ATRNL1: variants seen among roughly 807,000 people sequenced by gnomAD.
ATRNL1 encodes attractin like 1.
In ATRNL1, 95 loss-of-function variants were observed where a neutral mutation model predicts 182.7. The ratio of observed to expected loss-of-function variants is 0.52; its 90% CI spans 0.44 to 0.62. The LOEUF is 0.62. ATRNL1 is among the 20% of genes least tolerant of loss of function. ATRNL1 has a pLI of 0.00. For synonymous variants in ATRNL1, 576 were observed against 568.3 expected (o/e 1.01, Z -0.19); for missense variants, 1,471 against 1,679.5 (o/e 0.88, Z 2.17).
rs1847488848 is a variant in ATRNL1 at position 115,455,665 on chromosome 10, C to T, written c.3323-6276C>T. 2.6e-5 allele frequency among the ~76,000 whole-genome samples: 4 copies of T among 152,222 alleles called. No individual in the cohort carries two copies. The South Asian group carries it at 8.3e-4, about 32-fold the overall frequency. ...CTAATTAAACCAAAGAGCTTCTGCA[C>T]AGCAAAAGAAACTATCACCAGAGTG... On this transcript the variant is annotated intron_variant, in intron 21 of 28. Transcript: ENST00000355044.
intron 8 of ATRNL1, among the ~76,000 whole-genome samples, chr10:115,214,270 A>G (rs1368953211): frequency 6.6e-6 from 1 of 151,160 alleles, no homozygotes; most frequent in Non-Finnish European, 1.5e-5. Flanking sequence ...TATCTTTATT[A>G]AAAGGAAATG....
chr10:115,137,888 C>T (rs183227110), intron 5 of ATRNL1, among the ~76,000 whole-genome samples: 3 of 152,306 alleles, frequency 2.0e-5, no homozygotes, highest in Admixed American at 2.0e-4. Flanking sequence ...TAAGTCTCAT[C>T]TGAGACAAGG....
intron 28 of ATRNL1, among the ~76,000 whole-genome samples, chr10:115,920,368 T>C (rs1485685092): frequency 6.6e-6 from 1 of 152,206 alleles, no homozygotes; most frequent in Non-Finnish European, 1.5e-5. Context: ...CTGCTACTCA[T>C]GGAACTCAGA....
At chr10:115,793,889 A>G (rs1015407030) in intron 27 of ATRNL1, among the ~76,000 whole-genome samples, 2 of 152,166 alleles carry the variant, frequency 1.3e-5, no homozygotes, top group African/African-American at 4.8e-5. Context: ...CTGTGATTAT[A>G]CTAAAAATCA....
chr10:115,603,687 A>G (rs187129129), intron 26 of ATRNL1, among the ~76,000 whole-genome samples: 59 of 152,316 alleles, frequency 3.9e-4, no homozygotes, highest in African/African-American at 1.1e-3. Context: ...AATCTCATTC[A>G]AGTGAAATTT....
intron 8 of ATRNL1, among the ~76,000 whole-genome samples, chr10:115,198,550 G>C (rs782670736): frequency 6.6e-6 from 1 of 152,014 alleles, no homozygotes; most frequent in Non-Finnish European, 1.5e-5. Flanking sequence ...TGTTACCTGT[G>C]CTTTTGGCAT....
chr10:115,469,877 A>G (rs782317408), intron 24 of ATRNL1, among the ~76,000 whole-genome samples: 23 of 150,546 alleles, frequency 1.5e-4, no homozygotes, highest in Non-Finnish European at 2.4e-4. Flanking sequence ...CTTCTAGGAA[A>G]GAATTGGAAT....
At chr10:115,232,981 C>T (rs1554900370) in intron 9 of ATRNL1, among the ~76,000 whole-genome samples, 1 of 152,096 alleles carries the variant, frequency 6.6e-6, no homozygotes, top group East Asian at 1.9e-4. Context: ...CAGGGCCATT[C>T]CCTCTTGAAA....
intron 27 of ATRNL1, among the ~76,000 whole-genome samples, chr10:115,818,111 C>A (rs1480454966): frequency 6.6e-6 from 1 of 151,756 alleles, no homozygotes; most frequent in Non-Finnish European, 1.5e-5. Context: ...TTATTGCTTT[C>A]CAGGGCTTCT....
intron 19 of ATRNL1, among the ~76,000 whole-genome samples, chr10:115,366,042 T>G (rs1300383000): frequency 6.6e-6 from 1 of 152,084 alleles, no homozygotes; most frequent in Non-Finnish European, 1.5e-5. Flanking sequence ...GTCCACTTGG[T>G]GCAGAGCTGA....
At chr10:115,921,036 A>G (rs1555118609) in intron 28 of ATRNL1, among the ~76,000 whole-genome samples, 1 of 152,232 alleles carries the variant, frequency 6.6e-6, no homozygotes, top group African/African-American at 2.4e-5. Flanking sequence ...AAATAATGAT[A>G]TGACAGTCTA....
chr10:115,115,209 G>T (rs1409403109), intron 1 of ATRNL1, among the ~76,000 whole-genome samples: 1 of 151,964 alleles, frequency 6.6e-6, no homozygotes, highest in Non-Finnish European at 1.5e-5. Context: ...GTAGAATGGG[G>T]GTTACCAGAA....
chr10:115,652,234 AT>A (rs61334622), intron 26 of ATRNL1, among the ~76,000 whole-genome samples: 27,773 of 149,458 alleles, frequency 0.19, 2,880 homozygotes, highest in Non-Finnish European at 0.24. Context: ...TGTTGTTGTT[AT>A]TTTTTTTTTC....
intron 10 of ATRNL1, among the ~76,000 whole-genome samples, chr10:115,249,015 A>T (rs575707165): frequency 1.3e-5 from 2 of 150,772 alleles, no homozygotes; most frequent in South Asian, 4.2e-4. Context: ...AAAGATTTTT[A>T]TTTTTTTTTG....
At chr10:115,562,632 T>C (rs113234236) in intron 26 of ATRNL1, among the ~76,000 whole-genome samples, 2 of 152,168 alleles carry the variant, frequency 1.3e-5, no homozygotes, top group Non-Finnish European at 1.5e-5. Context: ...GTTCTCATGA[T>C]AGTGAGTTAG....
chr10:115,924,041 CA>C (rs1311659965), intron 28 of ATRNL1, among the ~76,000 whole-genome samples: 1 of 152,122 alleles, frequency 6.6e-6, no homozygotes, highest in Non-Finnish European at 1.5e-5. Context: ...GTTGGCTGTG[CA>C]AATGTCTTCT....
intron 27 of ATRNL1, among the ~76,000 whole-genome samples, chr10:115,731,353 A>T (rs1449848473): frequency 6.6e-6 from 1 of 152,066 alleles, no homozygotes; most frequent in Non-Finnish European, 1.5e-5. Context: ...ACTCATTCTG[A>T]TTTGCTATTT....
chr10:115,854,294 C>G (rs1339520638), intron 28 of ATRNL1, among the ~76,000 whole-genome samples: 1 of 152,148 alleles, frequency 6.6e-6, no homozygotes, highest in African/African-American at 2.4e-5. Context: ...GTTTGACTGT[C>G]GATTATTCCC....
intron 5 of ATRNL1, among the ~76,000 whole-genome samples, chr10:115,141,253 A>G (rs1174061017): frequency 2.0e-5 from 3 of 152,180 alleles, no homozygotes; most frequent in African/African-American, 7.2e-5. Context: ...ATATGTAGAC[A>G]TTCAACTAGA....
Sources: allele counts gnomAD v4.1 joint callset (sites outside exome capture counted in the v4.1 genomes callset), GRCh38; gene constraint gnomAD v4.1.1; transcripts MANE v1.5; gene names NCBI Gene and HGNC (gene_info 2026-07-23, HGNC 2026-07-21).